CAST: variants seen among roughly 807,000 people sequenced by gnomAD.
CAST encodes the protein calpastatin.
A neutral mutation model predicts 119.6 loss-of-function variants in CAST; 76 were observed. The ratio of observed to expected loss-of-function variants is 0.64; its 90% CI spans 0.53 to 0.77. CAST has a LOEUF of 0.77. CAST is among the 30% of genes least tolerant of loss of function. The pLI, the probability that CAST is intolerant of heterozygous loss-of-function variation, is 0.00. For missense variants in CAST, 953 were observed against 946.5 expected (o/e 1.01, Z -0.09); for synonymous variants, 319 against 331.6 (o/e 0.96, Z 0.41).
the CAST span, among the ~76,000 whole-genome samples, chr5:96,468,367 C>G: frequency 1.3e-5 from 2 of 151,994 alleles, no homozygotes; most frequent in Non-Finnish European, 2.9e-5. Flanking sequence ...ACTTGTGCCT[C>G]CAAAGCTACG....
intron 1 of CAST, among the ~76,000 whole-genome samples, chr5:96,653,597 C>G (rs891388917): frequency 2.6e-5 from 4 of 152,112 alleles, no homozygotes; most frequent in African/African-American, 9.7e-5. Flanking sequence ...CATATAAAGT[C>G]CTAGATTAGA....
chr5:96,440,675 G>A, the CAST span, among the ~76,000 whole-genome samples: 1 of 151,984 alleles, frequency 6.6e-6, no homozygotes, highest in South Asian at 2.1e-4. Flanking sequence ...TTTAGGGTAG[G>A]GCCATACATA....
chr5:96,455,643 C>T, the CAST span, among the ~76,000 whole-genome samples: 3 of 152,236 alleles, frequency 2.0e-5, no homozygotes, highest in African/African-American at 7.2e-5. Context: ...ATCCCGAGCT[C>T]TGTCCACGCA....
rs10610859 is a variant in CAST at position 96,765,814 on chromosome 5, AATAT to A, written c.2038-237_2038-234del. ...TATTTAATCATTTATTTCCATTTAA[AATAT>A]AGCTAGAAAATTCACAGATATGAAT... On this transcript the variant is annotated intron_variant, in intron 26 of 31. Coordinates refer to ENST00000675179, the MANE Select transcript of CAST (RefSeq NM_001750.7). 0.23 allele frequency among the ~76,000 whole-genome samples: 35,532 copies of A among 152,042 alleles called. 4,730 individuals are homozygous for A. The highest frequency in any genetic ancestry group is 0.32 in the Non-Finnish European group (21,537 of 67,902).
chr5:96,464,314 A>T, the CAST span, among the ~76,000 whole-genome samples: 2 of 151,708 alleles, frequency 1.3e-5, no homozygotes, highest in Non-Finnish European at 2.9e-5. Context: ...TTACTCAGGA[A>T]CTCCTTTGTT....
the CAST span, among the ~76,000 whole-genome samples, chr5:96,446,456 G>A: frequency 1.2e-3 from 188 of 152,202 alleles, no homozygotes; most frequent in Non-Finnish European, 2.2e-3. Flanking sequence ...TCATATGTTT[G>A]TGGCAGGATG....
Position 96,743,412 on chromosome 5 carries a change from G to A in CAST, c.1200+656G>A, listed in dbSNP as rs182450249. On this transcript the variant is annotated intron_variant, in intron 16 of 31. Transcript: ENST00000675179. Reference sequence around the variant, plus strand: ...GAGGAAGGAAAGGAGAGAGTTGCCGGTTCCTGACAAGGCAGTGTTGTGGGG... The same window carrying A: ...GAGGAAGGAAAGGAGAGAGTTGCCGATTCCTGACAAGGCAGTGTTGTGGGG... The A allele has an allele frequency of 5.3e-4, 252 of 473,868 alleles. 2 individuals are homozygous for A. Among genetic ancestry groups the A allele is most frequent in the African/African-American group, 4.6e-3 (228 of 49,872 alleles). 29.4% of individuals were successfully genotyped at this position (473,868 alleles called of 1,614,324 possible). A position where few individuals can be genotyped will look rare whatever the true frequency, so the allele number is the denominator to read the frequency against.
chr5:96,241,231 G>GT, the CAST span, among the ~76,000 whole-genome samples: 1 of 107,240 alleles, frequency 9.3e-6, no homozygotes, highest in South Asian at 3.1e-4. Context: ...CCCCACAACA[G>GT]TCCCCAGAGT....
the CAST span, among the ~76,000 whole-genome samples, chr5:96,226,527 C>T: frequency 2.6e-5 from 4 of 151,870 alleles, no homozygotes; most frequent in South Asian, 4.2e-4. Context: ...GGTGGTGGCA[C>T]GTGCCTGTAG....
chr5:96,376,208 A>T, the CAST span, among the ~76,000 whole-genome samples: 1 of 151,660 alleles, frequency 6.6e-6, no homozygotes, highest in Non-Finnish European at 1.5e-5. Context: ...ATTAAAATGG[A>T]GTGGAAAAAT....
At chr5:96,249,743 C>T in the CAST span, among the ~76,000 whole-genome samples, 2 of 152,140 alleles carry the variant, frequency 1.3e-5, no homozygotes, top group African/African-American at 4.8e-5. Flanking sequence ...CTCTATCAAA[C>T]AGAAATGAAT....
At chr5:96,663,215 G>T (rs764232170) in intron 1 of CAST, 1 of 702,726 alleles carries the variant, frequency 1.4e-6, no homozygotes. Context: ...GGAGTGTGTT[G>T]GAAGGGAGTG....
chr5:96,720,512 G>A, intron 3 of CAST, among the ~76,000 whole-genome samples: 1 of 152,208 alleles, frequency 6.6e-6, no homozygotes, highest in Admixed American at 6.5e-5. Flanking sequence ...CAGCTCCCAT[G>A]AAGCAGCTTT....
At chr5:96,212,995 C>T in the CAST span, among the ~76,000 whole-genome samples, 7 of 152,110 alleles carry the variant, frequency 4.6e-5, no homozygotes, top group Middle Eastern at 3.4e-3. Flanking sequence ...GGTGCACACC[C>T]GTAGTCCTAG....
the CAST span, among the ~76,000 whole-genome samples, chr5:96,337,855 C>T: frequency 6.6e-6 from 1 of 152,198 alleles, no homozygotes; most frequent in African/African-American, 2.4e-5. Context: ...TTTACAAAGT[C>T]CTCTGGGCAT....
chr5:95,963,099 G>A, the CAST span, among the ~76,000 whole-genome samples: 2 of 152,136 alleles, frequency 1.3e-5, no homozygotes, highest in East Asian at 3.8e-4. Flanking sequence ...ACCATTGAAA[G>A]CTTTCAAACT....
At chr5:96,398,161 C>A in the CAST span, among the ~76,000 whole-genome samples, 1 of 152,106 alleles carries the variant, frequency 6.6e-6, no homozygotes, top group African/African-American at 2.4e-5. Context: ...GAAAGCATAA[C>A]TTCAAAATTA....
chr5:96,012,826 C>A, the CAST span, among the ~76,000 whole-genome samples: 10 of 152,252 alleles, frequency 6.6e-5, no homozygotes, highest in Admixed American at 6.5e-4. Context: ...AGCAGTTGTG[C>A]CATTTTTTTA....
At chr5:96,430,065 G>A in the CAST span, among the ~76,000 whole-genome samples, 1 of 152,172 alleles carries the variant, frequency 6.6e-6, no homozygotes, top group Non-Finnish European at 1.5e-5. Flanking sequence ...TGTAGCCATT[G>A]AATTCATAGT....
Sources: gnomAD v4.1 joint callset for allele counts (sites outside exome capture counted in the v4.1 genomes callset) on GRCh38, gnomAD v4.1.1 for gene constraint, MANE v1.5 for transcripts, NCBI Gene and HGNC (gene_info 2026-07-23, HGNC 2026-07-21) for gene names.